Variants in TEAD4 observed in about 807,000 individuals in gnomAD.
TEAD4 encodes TEA domain transcription factor 4, also known as transcriptional enhancer factor TEF-3.
Under a neutral mutation model 52.4 loss-of-function variants are expected in TEAD4, and 36 were observed. The ratio of observed to expected loss-of-function variants is 0.69; its 90% CI spans 0.53 to 0.91. The LOEUF (loss-of-function observed/expected upper bound fraction) is 0.91, where lower values mean the gene tolerates loss of function less well. Among genes scored for constraint, TEAD4 ranks in the 40% least tolerant of loss-of-function variants. The probability of loss-of-function intolerance (pLI) is 0.00; values close to 1 mark genes in which losing one functional copy is unlikely to be tolerated. For synonymous variants in TEAD4, 220 were observed against 231.0 expected, an observed-to-expected ratio of 0.95 and a Z score of 0.43; for missense variants, 508 against 583.9, an observed-to-expected ratio of 0.87 and a Z score of 1.34.
intron 10 of TEAD4, among the ~76,000 whole-genome samples, chr12:3,030,433 G>A (rs943394668): frequency 2.6e-5 from 4 of 152,130 alleles, no homozygotes; most frequent in Non-Finnish European, 5.9e-5. Context: ...GACAAATCCT[G>A]TTCCCTCCAG....
chr12:2,984,938 A>G (rs2098236881), intron 2 of TEAD4, among the ~76,000 whole-genome samples: 1 of 152,170 alleles, frequency 6.6e-6, no homozygotes. Context: ...ACACTACTCT[A>G]CACTAGGACA....
At chr12:2,983,257 A>G (rs2098235564) in intron 2 of TEAD4, among the ~76,000 whole-genome samples, 1 of 152,230 alleles carries the variant, frequency 6.6e-6, no homozygotes, top group Admixed American at 6.5e-5. Context: ...AGACAATAAG[A>G]AATAGCTCTT....
intron 8 of TEAD4, among the ~76,000 whole-genome samples, chr12:3,020,425 C>T (rs936217911): frequency 6.6e-6 from 1 of 152,018 alleles, no homozygotes; most frequent in African/African-American, 2.4e-5. Flanking sequence ...TTGTACCAGG[C>T]GAGCCCCTCC....
chr12:3,008,032 G>C lies in TEAD4; in HGVS notation c.227-2972G>C, dbSNP rs11062454. On this transcript the variant is annotated intron_variant, in intron 3 of 12. Transcript: ENST00000359864. ...CCTACAATGTGCAGGCAGTTTTCTA[G>C]GTGGTGGGTATAAATAAGTGAATAA... 9.8e-3 allele frequency among the ~76,000 whole-genome samples: 1,495 copies of C among 152,314 alleles called. 27 individuals carry two copies. The highest frequency in any genetic ancestry group is 0.034 in the African/African-American group (1,422 of 41,570).
At chr12:2,987,416 GTTTGTTTTGTTTTGT>G (rs112231928) in intron 2 of TEAD4, among the ~76,000 whole-genome samples, 230 of 150,160 alleles carry the variant, frequency 1.5e-3, no homozygotes, top group African/African-American at 4.2e-3. Context: ...TGTTTTTTTT[GTTTGTTTTGTTTTGT>G]TTTGTTTTGT....
At chr12:2,987,668 C>T (rs980227008) in intron 2 of TEAD4, among the ~76,000 whole-genome samples, 2 of 151,754 alleles carry the variant, frequency 1.3e-5, no homozygotes, top group African/African-American at 2.4e-5. Context: ...GTGATCCGCC[C>T]GCCTCGGCCT....
At chr12:3,026,876 C>T (rs552925752) in intron 10 of TEAD4, among the ~76,000 whole-genome samples, 206 of 152,238 alleles carry the variant, frequency 1.4e-3, no homozygotes, top group Non-Finnish European at 2.5e-3. Context: ...TTTAATTTTC[C>T]AGAGCTCCTT....
intron 10 of TEAD4, among the ~76,000 whole-genome samples, chr12:3,024,113 A>G (rs887371971): frequency 5.9e-5 from 9 of 151,592 alleles, no homozygotes; most frequent in East Asian, 3.9e-4. Context: ...TCGCTCTGCC[A>G]CCCAGGCTAG....
intron 3 of TEAD4, among the ~76,000 whole-genome samples, chr12:2,998,469 G>A (rs1005276288): frequency 5.3e-5 from 8 of 151,066 alleles, no homozygotes; most frequent in African/African-American, 9.8e-5. Context: ...TGTCCTGGCC[G>A]TGTTGGCATC....
intron 10 of TEAD4, among the ~76,000 whole-genome samples, chr12:3,025,324 TTC>T (rs2098271434): frequency 6.6e-6 from 1 of 152,232 alleles, no homozygotes; most frequent in East Asian, 1.9e-4. Flanking sequence ...GCTCTTGCAT[TTC>T]TCTCTTTATT....
intron 5 of TEAD4, among the ~76,000 whole-genome samples, chr12:3,016,129 G>C (rs1467284837): frequency 1.3e-5 from 2 of 152,138 alleles, no homozygotes; most frequent in Non-Finnish European, 2.9e-5. Flanking sequence ...CCAGGTTTAA[G>C]CAATCCTCCC....
chr12:2,980,482 C>T (rs2098233232), intron 2 of TEAD4, among the ~76,000 whole-genome samples: 1 of 152,140 alleles, frequency 6.6e-6, no homozygotes, highest in South Asian at 2.1e-4. Flanking sequence ...CCTGTAATCC[C>T]AGCACTTTGG....
At chr12:3,016,980 C>T (rs1037654745) in intron 5 of TEAD4, 12 of 420,264 alleles carry the variant, frequency 2.9e-5, no homozygotes, top group African/African-American at 2.2e-4. Flanking sequence ...CTCTTGCCTC[C>T]AGACAGCCCG....
At chr12:2,993,877 C>G (rs367853631) in intron 2 of TEAD4, among the ~76,000 whole-genome samples, 16 of 152,350 alleles carry the variant, frequency 1.1e-4, no homozygotes, top group Middle Eastern at 3.4e-3. Flanking sequence ...AAAGGTCCGT[C>G]TGTGCTGCAG....
chr12:2,970,239 G>A (rs952331028), intron 2 of TEAD4, among the ~76,000 whole-genome samples: 2 of 152,152 alleles, frequency 1.3e-5, no homozygotes, highest in Admixed American at 6.5e-5. Flanking sequence ...TTAACAACAC[G>A]TCTCAATTTG....
intron 10 of TEAD4, among the ~76,000 whole-genome samples, chr12:3,031,109 G>T (rs1350608751): frequency 6.6e-6 from 1 of 152,216 alleles, no homozygotes; most frequent in African/African-American, 2.4e-5. Flanking sequence ...TCATCTCCCA[G>T]TCTCCCGTCC....
intron 3 of TEAD4, among the ~76,000 whole-genome samples, chr12:3,008,291 G>C (rs1033977679): frequency 6.6e-6 from 1 of 152,158 alleles, no homozygotes; most frequent in African/African-American, 2.4e-5. Flanking sequence ...GGGGCAGAGT[G>C]TTCCCTGGAG....
intron 9 of TEAD4, among the ~76,000 whole-genome samples, chr12:3,020,988 A>C (rs2098268315): frequency 6.7e-6 from 1 of 149,958 alleles, no homozygotes; most frequent in Non-Finnish European, 1.5e-5. Context: ...TCCGTGTCCC[A>C]GCGCCCAGTC....
chr12:3,036,719 C>G (rs1319460341), intron 10 of TEAD4, among the ~76,000 whole-genome samples: 2 of 152,262 alleles, frequency 1.3e-5, no homozygotes. Context: ...GACTTGTTCT[C>G]TTAGCACCCC....
Sources: allele counts gnomAD v4.1 joint callset (sites outside exome capture counted in the v4.1 genomes callset), GRCh38; gene constraint gnomAD v4.1.1; transcripts MANE v1.5; gene names NCBI Gene and HGNC (gene_info 2026-07-23, HGNC 2026-07-21).